Variants in ZNRF3 observed in about 807,000 individuals in gnomAD.
The protein encoded by ZNRF3 is zinc and ring finger 3, also known as E3 ubiquitin-protein ligase ZNRF3.
ZNRF3 carries 23 observed loss-of-function variants against 72.5 expected under a neutral mutation model. The ratio of observed to expected loss-of-function variants is 0.32; its 90% CI spans 0.23 to 0.45. The LOEUF is 0.45. ZNRF3 is among the 20% of genes least tolerant of loss of function. The probability of loss-of-function intolerance (pLI) is 1.00; values close to 1 mark genes in which losing one functional copy is unlikely to be tolerated. For missense variants in ZNRF3, 1,169 were observed against 1,272.1 expected (o/e 0.92, Z 1.23); for synonymous variants, 610 against 545.3 (o/e 1.12, Z -1.65).
chr22:28,961,636 C>A (rs532468521), intron 1 of ZNRF3, among the ~76,000 whole-genome samples: 2 of 152,174 alleles, frequency 1.3e-5, no homozygotes, highest in South Asian at 4.1e-4. Context: ...CTTTAGTCTA[C>A]TTTACCTTTT....
At chr22:29,040,484 C>A (rs1245956650) in intron 2 of ZNRF3, among the ~76,000 whole-genome samples, 1 of 152,008 alleles carries the variant, frequency 6.6e-6, no homozygotes, top group African/African-American at 2.4e-5. Context: ...CCCAGCCATC[C>A]CCCACCGCCT....
At chr22:29,042,274 C>T (rs1008132390) in intron 2 of ZNRF3, among the ~76,000 whole-genome samples, 1 of 152,170 alleles carries the variant, frequency 6.6e-6, no homozygotes, top group African/African-American at 2.4e-5. Flanking sequence ...ATGTCCTTCT[C>T]CTAGCTATTT....
intron 1 of ZNRF3, among the ~76,000 whole-genome samples, chr22:28,893,339 C>T (rs1164091003): frequency 6.6e-6 from 1 of 152,018 alleles, no homozygotes; most frequent in South Asian, 2.1e-4. Context: ...ACTGTAGATA[C>T]CGTATAGAGA....
intron 1 of ZNRF3, among the ~76,000 whole-genome samples, chr22:28,890,089 A>G (rs1320875917): frequency 1.3e-5 from 2 of 152,226 alleles, no homozygotes; most frequent in Admixed American, 6.5e-5. Context: ...GGCTTGGCTA[A>G]TAAATTCTGG....
At chr22:28,917,298 C>CG (rs370325384) in intron 1 of ZNRF3, 2 of 207,978 alleles carry the variant, frequency 9.6e-6, no homozygotes, top group Non-Finnish European at 1.5e-5. Context: ...CACACACACA[C>CG]ACACACGACA....
chr22:29,007,331 G>A (rs1372335130), intron 2 of ZNRF3, among the ~76,000 whole-genome samples: 3 of 152,168 alleles, frequency 2.0e-5, no homozygotes, highest in African/African-American at 7.2e-5. Context: ...TGGACAAAAC[G>A]TCCCACTGAA....
chr22:28,922,459 T>A (rs1215669684), intron 1 of ZNRF3, among the ~76,000 whole-genome samples: 1 of 152,260 alleles, frequency 6.6e-6, no homozygotes, highest in Non-Finnish European at 1.5e-5. Flanking sequence ...TTTCTCTAAG[T>A]AATTTCTTGG....
chr22:29,049,577 G>A lies in ZNRF3; in HGVS notation c.1396G>A (p.Glu466Lys). Residue 466 changes from glutamate to lysine, a missense_variant, in exon 8 of 9, where the codon GAG becomes AAG. Coordinates refer to ENST00000544604, the MANE Select transcript of ZNRF3 (RefSeq NM_001206998.2). This position sits in a 1 kb window ranked among gnomAD's most constrained non-coding sequence, Gnocchi z 5.2. ...CAAGGCAGCTTGCTTCTCCCAGTATGAGACCATGTACCAGCACTACTACTT... is the reference window on the plus strand; with the variant it reads ...CAAGGCAGCTTGCTTCTCCCAGTATAAGACCATGTACCAGCACTACTACTT... ...FSKAACFSQY[E>K]TMYQHYYFQG... 6.2e-7 allele frequency: 1 copy of A among 1,607,054 alleles called. No homozygotes were observed. Among genetic ancestry groups the A allele is most frequent in the Non-Finnish European group, 8.5e-7 (1 of 1,178,004 alleles).
intron 1 of ZNRF3, among the ~76,000 whole-genome samples, chr22:28,919,473 T>C (rs770761385): frequency 1.8e-4 from 28 of 152,120 alleles, no homozygotes; most frequent in Non-Finnish European, 3.4e-4. Context: ...AGATGACTTA[T>C]CCAAGGTCCT....
Position 29,036,229 on chromosome 22 carries a change from C to T in ZNRF3, c.427-6266C>T, listed in dbSNP as rs922118526. On this transcript the variant is annotated intron_variant, in intron 2 of 8. Coordinates refer to ENST00000544604, the MANE Select transcript of ZNRF3 (RefSeq NM_001206998.2). ...AAATAGCAAAAACTCTAAAGATGAT[C>T]GTATTTTCAGGGAAAATGTATTACA... is the stretch of plus-strand genomic sequence containing the variant. 1.4e-4 allele frequency among the ~76,000 whole-genome samples: 22 copies of T among 152,172 alleles called. 1 individual carries two copies. The highest frequency in any genetic ancestry group is 6.8e-3 in the Middle Eastern group (2 of 294).
intron 2 of ZNRF3, among the ~76,000 whole-genome samples, chr22:29,008,472 G>A (rs1415881466): frequency 7.2e-5 from 11 of 152,202 alleles, no homozygotes; most frequent in African/African-American, 7.2e-5. Context: ...GATGCCAGGC[G>A]TGTGTCTTGA....
At chr22:28,939,988 T>C (rs965606633) in intron 1 of ZNRF3, among the ~76,000 whole-genome samples, 2 of 152,216 alleles carry the variant, frequency 1.3e-5, no homozygotes, top group African/African-American at 2.4e-5. Flanking sequence ...ATGAATTAAC[T>C]TAATCCTCAG....
At chr22:28,914,596 C>T (rs992589175) in intron 1 of ZNRF3, among the ~76,000 whole-genome samples, 16 of 150,330 alleles carry the variant, frequency 1.1e-4, no homozygotes, top group South Asian at 2.1e-4. Context: ...GGGAGGATCA[C>T]CTGAAGTCAG....
Position 29,042,558 on chromosome 22 carries a change from G to A in ZNRF3, c.490G>A (p.Ala164Thr). Reference protein sequence around the residue: ...VIFDVSENPEAIDQLNQGSED... With the variant: ...VIFDVSENPETIDQLNQGSED... ...CTTTGATGTGTCTGAAAACCCAGAA[G>A]CTATTGATCAGGTAAGCTCCTCAGG... is the stretch of plus-strand genomic sequence containing the variant. Residue 164 changes from alanine (A) to threonine (T), a missense_variant, in exon 3 of 9, where the codon GCT becomes ACT. Around this residue, in one of 2 missense-constraint regions of ZNRF3, gnomAD observed 386 missense variants for 540.7 expected, o/e 0.71. Transcript: ENST00000544604. 1 of 1,613,504 alleles carries A rather than the reference G, an allele frequency of 6.2e-7. No homozygotes were observed. Among genetic ancestry groups the A allele is most frequent in the Non-Finnish European group, 8.5e-7 (1 of 1,180,010 alleles).
chr22:28,954,236 G>A (rs1355200451), intron 1 of ZNRF3, among the ~76,000 whole-genome samples: 1 of 152,200 alleles, frequency 6.6e-6, no homozygotes, highest in African/African-American at 2.4e-5. Flanking sequence ...CTAGGTGCTG[G>A]AAGTCTGAGA....
chr22:29,000,286 G>A (rs932179170), intron 2 of ZNRF3, among the ~76,000 whole-genome samples: 1 of 152,208 alleles, frequency 6.6e-6, no homozygotes, highest in African/African-American at 2.4e-5. Context: ...ATAAAGGTAT[G>A]TGGTCTTTAC....
At chr22:28,903,787 C>T (rs914659370) in intron 1 of ZNRF3, among the ~76,000 whole-genome samples, 3 of 152,120 alleles carry the variant, frequency 2.0e-5, no homozygotes, top group African/African-American at 4.8e-5. Flanking sequence ...AAGGATTTGC[C>T]GTCCTGATGG....
intron 1 of ZNRF3, among the ~76,000 whole-genome samples, chr22:28,908,658 C>T (rs575397153): frequency 6.6e-5 from 10 of 152,318 alleles, no homozygotes; most frequent in Non-Finnish European, 1.2e-4. Context: ...TGCATTGGCT[C>T]TCCTTCTTTA....
chr22:29,008,740 ACTATC>A (rs964376448), intron 2 of ZNRF3, among the ~76,000 whole-genome samples: 24 of 152,212 alleles, frequency 1.6e-4, no homozygotes, highest in African/African-American at 5.8e-4. Context: ...AAGACCAACA[ACTATC>A]CTTGTTAACC....
Sources: allele counts gnomAD v4.1 joint callset (sites outside exome capture counted in the v4.1 genomes callset), GRCh38; gene constraint gnomAD v4.1.1; regional missense constraint gnomAD v4.1.1; non-coding constraint Gnocchi (gnomAD v3.1); transcripts MANE v1.5; gene names NCBI Gene and HGNC (gene_info 2026-07-23, HGNC 2026-07-21).